Variants in EPS15L1 observed in about 807,000 individuals in gnomAD.
EPS15L1 encodes the protein epidermal growth factor receptor pathway substrate 15 like 1.
A neutral mutation model predicts 117.1 loss-of-function variants in EPS15L1; 43 were observed. The ratio of observed to expected loss-of-function variants is 0.37; its 90% CI spans 0.29 to 0.47. EPS15L1 has a LOEUF of 0.47. EPS15L1 is among the 20% of genes least tolerant of loss of function. The pLI, the probability that EPS15L1 is intolerant of heterozygous loss-of-function variation, is 0.99. For missense variants in EPS15L1, 981 were observed against 1,164.0 expected, an observed-to-expected ratio of 0.84 and a Z score of 2.29; for synonymous variants, 459 against 470.5, an observed-to-expected ratio of 0.98 and a Z score of 0.32.
chr19:16,401,944 C>T, intron 16 of EPS15L1: 3 of 1,026,116 alleles, frequency 2.9e-6, no homozygotes, highest in Non-Finnish European at 3.5e-6. Flanking sequence ...TGTCCCCTGC[C>T]CCCTGATTAG....
intron 1 of EPS15L1, among the ~76,000 whole-genome samples, chr19:16,467,238 T>A: frequency 6.6e-6 from 1 of 151,418 alleles, no homozygotes; most frequent in Admixed American, 6.6e-5. Context: ...AACCTCCGCC[T>A]CCTGGGTTCA....
chr19:16,438,539 TTTTG>T (rs1211426657), intron 4 of EPS15L1, among the ~76,000 whole-genome samples: 4 of 151,936 alleles, frequency 2.6e-5, no homozygotes, highest in Non-Finnish European at 4.4e-5. Context: ...TGTGCCGAAT[TTTTG>T]TTTGTTTTAG....
chr19:16,418,163 A>T (rs2092778683), intron 10 of EPS15L1, 59 bp from the exon 11 acceptor site: 2 of 1,545,698 alleles, frequency 1.3e-6, no homozygotes, highest in Non-Finnish European at 1.8e-6. Context: ...GCCTGAACCC[A>T]AGTCACCGAT....
rs2092640444 is a variant in EPS15L1, at chr19:16,404,854, C to T, written c.1267-105G>A. 1.6e-6 allele frequency: 2 copies of T among 1,278,386 alleles called. No individual in the cohort carries two copies. The highest frequency in any genetic ancestry group is 2.2e-6 in the Non-Finnish European group (2 of 908,426). 79.2% of individuals were successfully genotyped at this position (1,278,386 alleles called of 1,614,324 possible). On this transcript the variant is annotated intron_variant, in intron 13 of 23. Transcript: ENST00000455140. The surrounding 1 kb of genome is among the most constrained non-coding windows in gnomAD (Gnocchi z 4.2). ...GAAGTCCAGGGGAAGCCTCCGAAAC[C>T]ACCCACTGTGACCGTGCTCAGGGCC...
chr19:16,369,568 C>T (rs2092190427), intron 22 of EPS15L1, among the ~76,000 whole-genome samples: 1 of 152,000 alleles, frequency 6.6e-6, no homozygotes, highest in South Asian at 2.1e-4. Flanking sequence ...AGGCAAATAT[C>T]ATTTGAAGTG....
intron 9 of EPS15L1, among the ~76,000 whole-genome samples, chr19:16,422,069 C>T (rs1220847568): frequency 6.6e-6 from 1 of 152,226 alleles, no homozygotes; most frequent in Non-Finnish European, 1.5e-5. Flanking sequence ...GGGCCACCAC[C>T]CACGAGGCCC....
intron 1 of EPS15L1, among the ~76,000 whole-genome samples, chr19:16,464,947 C>T (rs573497139): frequency 3.9e-5 from 6 of 151,902 alleles, no homozygotes; most frequent in South Asian, 4.2e-4. Context: ...GGTGTGGTGG[C>T]GGGTGCCTGT....
intron 7 of EPS15L1, among the ~76,000 whole-genome samples, chr19:16,431,456 A>ACC (rs1370868825): frequency 4.6e-5 from 7 of 151,532 alleles, no homozygotes; most frequent in African/African-American, 1.7e-4. Context: ...TGAGTGTGCC[A>ACC]CCATGCCCAG....
At chr19:16,400,731 A>G (rs1181845193) in intron 16 of EPS15L1, 3 of 985,400 alleles carry the variant, frequency 3.0e-6, no homozygotes, top group South Asian at 4.7e-5. Context: ...TACATTCCCA[A>G]AGTAATTGTG....
At chr19:16,410,267 C>T (rs2092695237) in intron 13 of EPS15L1, among the ~76,000 whole-genome samples, 1 of 152,112 alleles carries the variant, frequency 6.6e-6, no homozygotes, top group South Asian at 2.1e-4. Context: ...AGATACTTGA[C>T]GTCGCTAGGG....
At chr19:16,390,186 G>T (rs1312707772) in intron 19 of EPS15L1, among the ~76,000 whole-genome samples, 7 of 152,076 alleles carry the variant, frequency 4.6e-5, no homozygotes, top group African/African-American at 4.8e-5. Context: ...GTTGAAAAAT[G>T]ATGTATCATG....
At chr19:16,373,914 C>T (rs540577532) in intron 22 of EPS15L1, among the ~76,000 whole-genome samples, 16 of 152,326 alleles carry the variant, frequency 1.1e-4, no homozygotes, top group Admixed American at 9.2e-4. Flanking sequence ...TCTGTACCTA[C>T]CACCCAGCAG....
chr19:16,395,511 G>A, intron 16 of EPS15L1, 44 bp from the exon 17 acceptor site: 2 of 1,593,226 alleles, frequency 1.3e-6, no homozygotes, highest in South Asian at 2.2e-5. Flanking sequence ...TATTATTTCT[G>A]AGTTAAAGCA....
rs564212364 is a variant in EPS15L1, at chr19:16,455,653, T to A, written c.34-13434A>T. Among the ~76,000 whole-genome samples the A allele has an allele frequency of 3.3e-5, 5 of 152,356 alleles. No individual in the cohort carries two copies. In the East Asian group the frequency reaches 9.6e-4, roughly 29 times the overall value. On this transcript the variant is annotated intron_variant, in intron 1 of 23. Coordinates refer to ENST00000455140, the MANE Select transcript of EPS15L1 (RefSeq NM_001258374.3). ...GCCAGACAAATGTGGATTTGAGTCC[T>A]GTCCTGCTGCTGGAATGCTGTGCAA...
At position 16,392,000 on chromosome 19, in the gene EPS15L1, A is replaced by AG. The variant is rs200609911; in HGVS notation, c.2103+303dup. 8.5e-3 allele frequency among the ~76,000 whole-genome samples: 1,292 copies of AG among 152,252 alleles called. 7 individuals are homozygous for AG. The highest frequency in any genetic ancestry group is 0.012 in the Non-Finnish European group (799 of 68,018). On this transcript the variant is annotated intron_variant, in intron 19 of 23. Coordinates refer to ENST00000455140, the MANE Select transcript of EPS15L1 (RefSeq NM_001258374.3). ...GGGCAGATGACTAGAGTTGAGGGGT[A>AG]GGAATGGGGATAGAGAAATAAGAAC... is the stretch of plus-strand genomic sequence containing the variant.
In EPS15L1 at chr19:16,386,022, T is replaced by G. The variant is rs1599559037; in HGVS notation, c.2164+149A>C. ...GCAGCAGCGGGTGCTTGTTTTGGCC[T>G]AATGGGCTCAGGCCAGGATCTGGGT... On this transcript the variant is annotated intron_variant, in intron 20 of 23. Coordinates refer to ENST00000455140, the MANE Select transcript of EPS15L1 (RefSeq NM_001258374.3). 3 of 643,750 alleles carry G rather than the reference T, an allele frequency of 4.7e-6. No homozygotes were observed. In the East Asian group the frequency reaches 8.5e-5, roughly 18 times the overall value. The allele number at this position is 643,750 out of a possible 1,614,324, so 39.9% of individuals were successfully genotyped here.
At chr19:16,415,205 G>C (rs2092746706) in intron 12 of EPS15L1, among the ~76,000 whole-genome samples, 1 of 152,166 alleles carries the variant, frequency 6.6e-6, no homozygotes, top group Admixed American at 6.6e-5. Flanking sequence ...CGGCAAGAAG[G>C]TGACTCTCCA....
At chr19:16,416,974 G>A (rs1163907524) in intron 12 of EPS15L1, among the ~76,000 whole-genome samples, 1 of 152,208 alleles carries the variant, frequency 6.6e-6, no homozygotes, top group African/African-American at 2.4e-5. Context: ...AGACCTGGAG[G>A]CCCCTTCACA....
At chr19:16,448,553 G>C (rs1033969129) in intron 1 of EPS15L1, among the ~76,000 whole-genome samples, 1 of 148,974 alleles carries the variant, frequency 6.7e-6, no homozygotes, top group Admixed American at 6.7e-5. Flanking sequence ...AAAAAGGGGG[G>C]GGGAGAAAGG....
Sources: gnomAD v4.1 joint callset for allele counts (sites outside exome capture counted in the v4.1 genomes callset) on GRCh38, gnomAD v4.1.1 for gene constraint, Gnocchi (gnomAD v3.1) non-coding constraint, MANE v1.5 for transcripts, NCBI Gene and HGNC (gene_info 2026-07-23, HGNC 2026-07-21) for gene names.